The following SDHA variants were observed in gnomAD, a reference collection of about 807,000 sequenced individuals.
SDHA encodes the protein succinate dehydrogenase [ubiquinone] flavoprotein subunit, mitochondrial.
In SDHA, 48 loss-of-function variants were observed where a neutral mutation model predicts 78.4. The observed-to-expected ratio is 0.61, with a 90% CI of 0.49 to 0.78. SDHA has a LOEUF of 0.78. SDHA is among the 30% of genes least tolerant of loss of function. SDHA has a pLI of 0.00. For synonymous variants in SDHA, 326 were observed against 353.9 expected, an observed-to-expected ratio of 0.92 and a Z score of 0.88; for missense variants, 680 against 892.7, an observed-to-expected ratio of 0.76 and a Z score of 3.04.
chr5:224,139 A>G (rs1370902623), intron 2 of SDHA, among the ~76,000 whole-genome samples: 4 of 151,572 alleles, frequency 2.6e-5, no homozygotes, highest in Non-Finnish European at 5.9e-5. Context: ...CATGGGATAG[A>G]CCCTCTACCA....
Position 225,866 on chromosome 5 carries a change from G to T in SDHA, c.457-17G>T, listed in dbSNP as rs755259343. 2 of 1,612,206 alleles carry T rather than the reference G, an allele frequency of 1.2e-6. No homozygotes were observed. Among genetic ancestry groups the T allele is most frequent in the Non-Finnish European group, 1.7e-6 (2 of 1,179,804 alleles). ...CTTTAAGGTGTTAAGGTTTTTGTTT[G>T]TTTTTATCTTTCACAGCTAGAAAAT... On this transcript the variant is annotated splice_polypyrimidine_tract_variant and intron_variant, in intron 4 of 14. Transcript: ENST00000264932.
At position 257,066 on chromosome 5, in the gene SDHA, T is replaced by C. The variant is rs544596310; in HGVS notation, c.*646T>C. 6.6e-4 allele frequency among the ~76,000 whole-genome samples: 101 copies of C among 152,274 alleles called. No homozygotes were observed. Among genetic ancestry groups the C allele is most frequent in the African/African-American group, 2.4e-3 (98 of 41,528 alleles). On this transcript the variant is annotated 3_prime_UTR_variant, in exon 15 of 15. Transcript: ENST00000264932. ...TTGGCCTCCCAAGGTGCTGGAATTA[T>C]AGGTGTGAACAAACCACCATGCCTG...
At chr5:230,394 A>C (rs148713569) in intron 6 of SDHA, among the ~76,000 whole-genome samples, 71 of 152,276 alleles carry the variant, frequency 4.7e-4, no homozygotes, top group African/African-American at 1.6e-3. Flanking sequence ...TGGGAGGCCA[A>C]AGTGGGAGGA....
chr5:240,532 A>C (rs1366372609), intron 11 of SDHA, 56 bp downstream of exon 11: 1 of 1,165,492 alleles, frequency 8.6e-7, no homozygotes, highest in African/African-American at 1.6e-5. Context: ...CTGGCCCTGC[A>C]CTGGTTTTGT....
intron 2 of SDHA, 62 bp from the exon 3 acceptor site, chr5:224,298 C>T: frequency 6.4e-7 from 1 of 1,552,202 alleles, no homozygotes; most frequent in Non-Finnish European, 8.9e-7. Flanking sequence ...TTCACTGTCA[C>T]AAGATTCTTC....
At chr5:258,709 A>C (rs1272169905), downstream of SDHA, among the ~76,000 whole-genome samples, 376 of 91,916 alleles carry the variant, frequency 4.1e-3, 40 homozygotes, top group African/African-American at 0.021. Flanking sequence ...GCCTCCCGCC[A>C]GAGCATTACC....
chr5:222,641 C>G (rs1166574296), intron 1 of SDHA, among the ~76,000 whole-genome samples: 1 of 152,076 alleles, frequency 6.6e-6, no homozygotes, highest in Non-Finnish European at 1.5e-5. Flanking sequence ...TGCCCAGCCC[C>G]TAAAACTATT....
At chr5:219,203 T>A (rs1299550100) in intron 1 of SDHA, among the ~76,000 whole-genome samples, 1 of 151,926 alleles carries the variant, frequency 6.6e-6, no homozygotes, top group Non-Finnish European at 1.5e-5. Context: ...GCCTGTGCGC[T>A]GAGTGCCTCT....
Position 228,240 on chromosome 5 carries a change from T to C in SDHA, c.677T>C (p.Met226Thr), listed in dbSNP as rs1735165932. 6.2e-7 allele frequency: 1 copy of C among 1,613,680 alleles called. No individual in the cohort carries two copies. The highest frequency in any genetic ancestry group is 8.5e-7 in the Non-Finnish European group (1 of 1,179,614). ...GAGTATTTTGCCTTGGATCTCCTGATGGAGAATGGGGAGTGCCGTGGTGTC... is the reference window on the plus strand; with the variant it reads ...GAGTATTTTGCCTTGGATCTCCTGACGGAGAATGGGGAGTGCCGTGGTGTC... Reference protein sequence around the residue: ...FVEYFALDLLMENGECRGVIA... With the variant: ...FVEYFALDLLTENGECRGVIA... The change falls in exon 6 of 15, where the codon ATG becomes ACG. Residue 226 changes from methionine to threonine, a missense_variant. Transcript: ENST00000264932.
rs570248757 is a variant in SDHA at position 231,678 on chromosome 5, A to G, written c.895+678A>G. ...AGCTGTGGTGCTCCATGCCCAGCAC[A>G]TGGTAGGGTCTCCACCGGGGTTTAC... On this transcript the variant is annotated intron_variant, in intron 7 of 14. Coordinates refer to ENST00000264932, the MANE Select transcript of SDHA (RefSeq NM_004168.4). Among the ~76,000 whole-genome samples the G allele has an allele frequency of 3.5e-4, 54 of 152,230 alleles. 1 individual carries two copies. The highest frequency in any genetic ancestry group is 3.4e-3 in the Middle Eastern group (1 of 292).
At chr5:264,611 T>C in the SDHA span, among the ~76,000 whole-genome samples, 1 of 152,156 alleles carries the variant, frequency 6.6e-6, no homozygotes, top group Non-Finnish European at 1.5e-5. Context: ...AGAATCAAGT[T>C]TGAGTCTGAG....
intron 4 of SDHA, 103 bp downstream of exon 4, chr5:225,665 A>C: frequency 6.5e-7 from 1 of 1,531,144 alleles, no homozygotes; most frequent in Non-Finnish European, 9.0e-7. Context: ...AGCCAAAAGA[A>C]TGGTGATGAG....
chr5:230,282 A>G (rs541189048), intron 6 of SDHA, among the ~76,000 whole-genome samples: 2 of 152,336 alleles, frequency 1.3e-5, no homozygotes, highest in Admixed American at 6.5e-5. Flanking sequence ...TTTTCATTAT[A>G]AAAGTAGTAT....
chr5:244,451 G>A (rs1477690620), intron 11 of SDHA, among the ~76,000 whole-genome samples: 4 of 152,050 alleles, frequency 2.6e-5, no homozygotes, highest in African/African-American at 4.8e-5. Flanking sequence ...CACAGCTCCT[G>A]ATTGTGCCAT....
At chr5:264,411 C>T in the SDHA span, among the ~76,000 whole-genome samples, 1,717 of 152,288 alleles carry the variant, frequency 0.011, 35 homozygotes, top group African/African-American at 0.039. Flanking sequence ...GGTGAGGGCA[C>T]AGGGTGTCTG....
Position 230,944 on chromosome 5 carries a change from T to A in SDHA, c.839T>A (p.Ile280Asn), listed in dbSNP as rs2126568391. The change falls in exon 7 of 15, where the codon ATC (isoleucine) becomes AAC (asparagine). Residue 280 changes from isoleucine to asparagine, a missense_variant. Ile to Asn is a moderately radical substitution (Grantham distance 149). Coordinates refer to ENST00000264932, the MANE Select transcript of SDHA (RefSeq NM_004168.4). Reference protein sequence around the residue: ...HTSTGDGTAMITRAGLPCQDL... With the variant: ...HTSTGDGTAMNTRAGLPCQDL... Reference sequence around the variant, plus strand: ...AGCACTGGCGACGGCACGGCCATGATCACCAGGGCAGGCCTTCCTTGCCAG... The same window carrying A: ...AGCACTGGCGACGGCACGGCCATGAACACCAGGGCAGGCCTTCCTTGCCAG... The A allele has an allele frequency of 1.2e-6, 2 of 1,614,008 alleles. No homozygotes were observed. Among genetic ancestry groups the A allele is most frequent in the Non-Finnish European group, 1.7e-6 (2 of 1,179,906 alleles).
chr5:221,836 G>C (rs796538202), intron 1 of SDHA, among the ~76,000 whole-genome samples: 2 of 152,036 alleles, frequency 1.3e-5, no homozygotes, highest in Non-Finnish European at 2.9e-5. Context: ...GGGGGATGGC[G>C]TGATAATTTG....
rs779914292 is a variant in SDHA at position 236,411 on chromosome 5, A to T, written c.1261-17A>T. ...ATGGGCACCTTGACATTTCACCTGAAATCTTCCTTTCCACAGGTCCTGAGG... is the reference window on the plus strand; with the variant it reads ...ATGGGCACCTTGACATTTCACCTGATATCTTCCTTTCCACAGGTCCTGAGG... On this transcript the variant is annotated splice_polypyrimidine_tract_variant and intron_variant, in intron 9 of 14. Transcript: ENST00000264932. The T allele has an allele frequency of 6.2e-7, 1 of 1,612,718 alleles. No homozygotes were observed. Among genetic ancestry groups the T allele is most frequent in the Non-Finnish European group, 8.5e-7 (1 of 1,179,084 alleles).
At chr5:238,711 C>T (rs925554922) in intron 10 of SDHA, among the ~76,000 whole-genome samples, 1 of 152,296 alleles carries the variant, frequency 6.6e-6, no homozygotes, top group East Asian at 1.9e-4. Context: ...ATAATCCCAC[C>T]GCTTTGGGAG....
Sources: allele counts gnomAD v4.1 joint callset (sites outside exome capture counted in the v4.1 genomes callset), GRCh38; gene constraint gnomAD v4.1.1; transcripts MANE v1.5; gene names NCBI Gene and HGNC (gene_info 2026-07-23, HGNC 2026-07-21).